Variants in PARD3B observed in about 807,000 individuals in gnomAD.
The protein encoded by PARD3B is par-3 family cell polarity regulator beta, also known as partitioning defective 3 homolog B.
A neutral mutation model predicts 130.2 loss-of-function variants in PARD3B; 103 were observed. That is an observed-to-expected ratio of 0.79 (90% CI 0.67 to 0.93). PARD3B has a LOEUF of 0.93. Among genes scored for constraint, PARD3B ranks in the 40% least tolerant of loss-of-function variants. The probability of loss-of-function intolerance (pLI) is 0.00; values close to 1 mark genes in which losing one functional copy is unlikely to be tolerated. For synonymous variants in PARD3B, 583 were observed against 553.2 expected (o/e 1.05, Z -0.76); for missense variants, 1,609 against 1,499.2 (o/e 1.07, Z -1.21).
At position 205,121,631 on chromosome 2, in the gene PARD3B, G is replaced by A. The variant is rs376477710; in HGVS notation, c.847G>A (p.Val283Met). ...CCGCCAGGCAATGAAATCTCCAAGTGTGCTCCTCCACGTGCTTCCTCCACA... is the reference window on the plus strand; with the variant it reads ...CCGCCAGGCAATGAAATCTCCAAGTATGCTCCTCCACGTGCTTCCTCCACA... ...VFRQAMKSPS[V>M]LLHVLPPQNR... The change falls in exon 8 of 23, where the codon GTG becomes ATG. Residue 283 changes from valine to methionine, a missense_variant. By Grantham distance (21) the Val-to-Met change is conservative. Coordinates refer to ENST00000406610, the MANE Select transcript of PARD3B (RefSeq NM_001302769.2). The surrounding 1 kb of genome is among the most constrained non-coding windows in gnomAD (Gnocchi z 5.0). 4.3e-6 allele frequency: 7 copies of A among 1,613,908 alleles called. No homozygotes were observed. The highest frequency in any genetic ancestry group is 5.9e-6 in the Non-Finnish European group (7 of 1,179,972).
chr2:205,116,354 T>A lies in PARD3B; in HGVS notation c.681-2567T>A, dbSNP rs1704028716. 6.6e-6 allele frequency among the ~76,000 whole-genome samples: 1 copy of A among 152,030 alleles called. No homozygotes were observed. Among genetic ancestry groups the A allele is most frequent in the South Asian group, 2.1e-4 (1 of 4,818 alleles). On this transcript the variant is annotated intron_variant, in intron 6 of 22. Coordinates refer to ENST00000406610, the MANE Select transcript of PARD3B (RefSeq NM_001302769.2). The surrounding 1 kb of genome is among the most constrained non-coding windows in gnomAD (Gnocchi z 4.5). ...TGATAAAGACTGTGAGAAGAGATGT[T>A]CAAACCAAAATTCTAAGCTGGTAGA...
chr2:204,785,349 C>T (rs995637019), intron 2 of PARD3B, among the ~76,000 whole-genome samples: 1 of 152,136 alleles, frequency 6.6e-6, no homozygotes, highest in African/African-American at 2.4e-5. Flanking sequence ...ACTTTTCCCC[C>T]AGCCCCTCCT....
intron 2 of PARD3B, among the ~76,000 whole-genome samples, chr2:204,874,721 C>T (rs1405158480): frequency 1.3e-5 from 2 of 152,106 alleles, no homozygotes; most frequent in African/African-American, 4.8e-5. Flanking sequence ...CACTAAGTTG[C>T]CATGTGCCTC....
intron 19 of PARD3B, among the ~76,000 whole-genome samples, chr2:205,428,862 G>A (rs756731629): frequency 1.3e-5 from 2 of 151,980 alleles, no homozygotes; most frequent in Non-Finnish European, 2.9e-5. Context: ...TAATAACCCA[G>A]TGGCAGTGAG....
intron 19 of PARD3B, among the ~76,000 whole-genome samples, chr2:205,412,205 A>T (rs888523249): frequency 1.3e-5 from 2 of 152,002 alleles, no homozygotes; most frequent in Non-Finnish European, 2.9e-5. Context: ...TGTCCCAAGG[A>T]ATCTGACCCC....
At chr2:205,510,218 G>A (rs2050538615) in intron 21 of PARD3B, among the ~76,000 whole-genome samples, 1 of 152,160 alleles carries the variant, frequency 6.6e-6, no homozygotes, top group Non-Finnish European at 1.5e-5. Context: ...ATGATTACAT[G>A]TAAAGTACTT....
chr2:205,346,216 T>C (rs889611815), intron 18 of PARD3B, among the ~76,000 whole-genome samples: 3 of 142,640 alleles, frequency 2.1e-5, no homozygotes, highest in African/African-American at 7.6e-5. Flanking sequence ...AATAAATAAA[T>C]AAATTTCATA....
rs1223055135 is a variant in PARD3B, at chr2:205,244,159, A to C, written c.2141-1619A>C. On this transcript the variant is annotated intron_variant, in intron 15 of 22. Coordinates refer to ENST00000406610, the MANE Select transcript of PARD3B (RefSeq NM_001302769.2). The surrounding 1 kb of genome is among the most constrained non-coding windows in gnomAD (Gnocchi z 4.7). ...AGAAAATAAAGAAATAGCTTAGAAA[A>C]GGAGGGCTAGGTGGGAGTGGGAAGA... Among the ~76,000 whole-genome samples, 4 of 152,238 alleles carry C rather than the reference A, an allele frequency of 2.6e-5. No homozygotes were observed. The East Asian group carries it at 7.7e-4, about 29-fold the overall frequency.
At chr2:204,641,848 A>G (rs1202611267) in intron 1 of PARD3B, among the ~76,000 whole-genome samples, 1 of 152,210 alleles carries the variant, frequency 6.6e-6, no homozygotes, top group Admixed American at 6.5e-5. Flanking sequence ...GTACTTCAAA[A>G]CAAAACTGAT....
intron 3 of PARD3B, among the ~76,000 whole-genome samples, chr2:204,998,376 A>G (rs55917405): frequency 0.69 from 54,721 of 79,178 alleles, 18,659 homozygotes; most frequent in East Asian, 0.88. Flanking sequence ...GTGTGTGTGT[A>G]TATATGTGTG....
Position 205,352,490 on chromosome 2 carries a change from T to G in PARD3B, c.2631-48523T>G, listed in dbSNP as rs1002068697. On this transcript the variant is annotated intron_variant, in intron 18 of 22. Transcript: ENST00000406610. The surrounding 1 kb of genome is among the most constrained non-coding windows in gnomAD (Gnocchi z 5.2). ...GAATGAAATAATTTCTGTTTAGTTA[T>G]CTGGGATTTCATTCGGTTGATTAAT... Among the ~76,000 whole-genome samples, 1 of 152,214 alleles carries G rather than the reference T, an allele frequency of 6.6e-6. No homozygotes were observed. The highest frequency in any genetic ancestry group is 1.5e-5 in the Non-Finnish European group (1 of 68,022).
In PARD3B at chr2:205,589,595, T is replaced by G. The variant is rs1486848557; in HGVS notation, c.3261-25861T>G. On this transcript the variant is annotated intron_variant, in intron 22 of 22. Coordinates refer to ENST00000406610, the MANE Select transcript of PARD3B (RefSeq NM_001302769.2). The surrounding 1 kb of genome is among the most constrained non-coding windows in gnomAD (Gnocchi z 4.1). ...TCCTTTTTATTTACTCCCTTGGGTC[T>G]GAGCAGGCAAGACTTGTCTTGGCAT... Among the ~76,000 whole-genome samples the G allele has an allele frequency of 6.6e-6, 1 of 152,220 alleles. No homozygotes were observed. Among genetic ancestry groups the G allele is most frequent in the Non-Finnish European group, 1.5e-5 (1 of 68,042 alleles).
At chr2:205,501,986 G>A (rs114317723) in intron 21 of PARD3B, among the ~76,000 whole-genome samples, 2,898 of 152,192 alleles carry the variant, frequency 0.019, 95 homozygotes, top group African/African-American at 0.064. Flanking sequence ...CCAGACAATC[G>A]GGGTCTGAGG....
At chr2:205,420,404 A>G (rs2046928194) in intron 19 of PARD3B, among the ~76,000 whole-genome samples, 1 of 152,178 alleles carries the variant, frequency 6.6e-6, no homozygotes, top group Admixed American at 6.5e-5. Flanking sequence ...CAGGTGACAG[A>G]AAGGTTAAAT....
At chr2:204,966,371 T>G (rs1188287838) in intron 3 of PARD3B, among the ~76,000 whole-genome samples, 1 of 152,182 alleles carries the variant, frequency 6.6e-6, no homozygotes, top group African/African-American at 2.4e-5. Context: ...AGTGAAGCAG[T>G]CTGCTGGAAC....
At chr2:205,248,764 C>T (rs1210383389) in intron 16 of PARD3B, among the ~76,000 whole-genome samples, 1 of 151,172 alleles carries the variant, frequency 6.6e-6, no homozygotes, top group Non-Finnish European at 1.5e-5. Flanking sequence ...CCCACTACCG[C>T]GCCTGGCTAA....
chr2:205,207,225 G>A (rs979758498), intron 15 of PARD3B, among the ~76,000 whole-genome samples: 1 of 135,876 alleles, frequency 7.4e-6, no homozygotes, highest in East Asian at 2.1e-4. Context: ...GCAGTGTGTA[G>A]AGGGAAATTT....
At chr2:205,311,870 T>C (rs755046132) in intron 18 of PARD3B, among the ~76,000 whole-genome samples, 7 of 152,216 alleles carry the variant, frequency 4.6e-5, no homozygotes, top group Non-Finnish European at 1.0e-4. Flanking sequence ...TTTGTTTTGC[T>C]TTTCTTTCTT....
rs567916343 is a variant in PARD3B, at chr2:205,558,831, A to G, written c.3260+5428A>G. Among the ~76,000 whole-genome samples the G allele has an allele frequency of 7.2e-5, 11 of 152,216 alleles. No individual in the cohort carries two copies. The South Asian group carries it at 1.9e-3, about 26-fold the overall frequency. On this transcript the variant is annotated intron_variant, in intron 22 of 22. Transcript: ENST00000406610. The surrounding 1 kb of genome is among the most constrained non-coding windows in gnomAD (Gnocchi z 4.8). Reference sequence around the variant, plus strand: ...AAGTCCCCCTGCCAAAACCCATGCCATCTTCCTTTGCTCTTCTTCTTTTAA... The same window carrying G: ...AAGTCCCCCTGCCAAAACCCATGCCGTCTTCCTTTGCTCTTCTTCTTTTAA...
Sources: allele counts gnomAD v4.1 joint callset (sites outside exome capture counted in the v4.1 genomes callset), GRCh38; gene constraint gnomAD v4.1.1; non-coding constraint Gnocchi (gnomAD v3.1); transcripts MANE v1.5; gene names NCBI Gene and HGNC (gene_info 2026-07-23, HGNC 2026-07-21).